ERC1: variants seen among roughly 807,000 people sequenced by gnomAD.
The protein encoded by ERC1 is ELKS/RAB6-interacting/CAST family member 1, also known as RAB6 interacting protein 2.
Under a neutral mutation model 132.0 loss-of-function variants are expected in ERC1, and 56 were observed. The observed-to-expected ratio is 0.42, with a 90% CI of 0.34 to 0.53. The LOEUF (loss-of-function observed/expected upper bound fraction) is 0.53. ERC1 is among the 20% of genes least tolerant of loss of function. The pLI is 0.03. For missense variants in ERC1, 1,202 were observed against 1,349.9 expected, an observed-to-expected ratio of 0.89 and a Z score of 1.72; for synonymous variants, 478 against 476.1, an observed-to-expected ratio of 1.00 and a Z score of -0.05.
intron 9 of ERC1, among the ~76,000 whole-genome samples, chr12:1,181,541 G>A (rs1954464430): frequency 1.3e-5 from 2 of 152,152 alleles, no homozygotes; most frequent in Admixed American, 6.5e-5. Flanking sequence ...ACTCACACCT[G>A]TAGTCTTAGC....
At chr12:1,195,641 A>G (rs1956150049) in intron 12 of ERC1, among the ~76,000 whole-genome samples, 1 of 152,186 alleles carries the variant, frequency 6.6e-6, no homozygotes, top group East Asian at 1.9e-4. Flanking sequence ...GATACCCATA[A>G]TTGCTGCAGC....
rs367984617 is a variant in ERC1 at position 1,303,097 on chromosome 12, G to A, written c.2780+13085G>A. Among the ~76,000 whole-genome samples the A allele has an allele frequency of 2.5e-4, 38 of 152,336 alleles. 2 individuals are homozygous for A. In the South Asian group the frequency reaches 7.9e-3, roughly 32 times the overall value. ...CCTGATCATCTTGAGCCTTCAGGGAGTCATGATCTTTTTGCTGGTGGAGGG... is the reference window on the plus strand; with the variant it reads ...CCTGATCATCTTGAGCCTTCAGGGAATCATGATCTTTTTGCTGGTGGAGGG... On this transcript the variant is annotated intron_variant, in intron 15 of 18. Transcript: ENST00000360905.
intron 15 of ERC1, among the ~76,000 whole-genome samples, chr12:1,336,994 T>C (rs1174746812): frequency 2.0e-5 from 3 of 152,176 alleles, no homozygotes; most frequent in Non-Finnish European, 2.9e-5. Context: ...TTTTGTATTT[T>C]TGGTAGAAAC....
chr12:1,175,460 T>C (rs1162900413), intron 8 of ERC1, among the ~76,000 whole-genome samples: 1 of 120,790 alleles, frequency 8.3e-6, no homozygotes, highest in Admixed American at 8.2e-5. Flanking sequence ...GAGTAGATTC[T>C]GTCTCAAAAA....
intron 8 of ERC1, among the ~76,000 whole-genome samples, chr12:1,147,022 G>A (rs998948422): frequency 6.6e-6 from 1 of 152,028 alleles, no homozygotes; most frequent in Non-Finnish European, 1.5e-5. Context: ...CCAGTCTATC[G>A]TTGTTGGACA....
At chr12:1,487,943 T>C (rs559736755) in intron 18 of ERC1, among the ~76,000 whole-genome samples, 125 of 151,188 alleles carry the variant, frequency 8.3e-4, no homozygotes, top group Middle Eastern at 3.4e-3. Flanking sequence ...TCTAGACCAT[T>C]CTGGCTAACA....
chr12:1,387,194 A>T (rs2089471924), intron 16 of ERC1, among the ~76,000 whole-genome samples: 1 of 151,550 alleles, frequency 6.6e-6, no homozygotes, highest in Non-Finnish European at 1.5e-5. Flanking sequence ...CTCATACCCA[A>T]CTCAGATTAA....
At chr12:1,304,832 C>T (rs561444541) in intron 15 of ERC1, among the ~76,000 whole-genome samples, 2 of 132,464 alleles carry the variant, frequency 1.5e-5, no homozygotes, top group East Asian at 4.4e-4. Flanking sequence ...CTCTGCTGCC[C>T]GGGCTGGAGT....
intron 14 of ERC1, among the ~76,000 whole-genome samples, chr12:1,264,562 G>A (rs2077358798): frequency 6.6e-6 from 1 of 152,094 alleles, no homozygotes; most frequent in Non-Finnish European, 1.5e-5. Flanking sequence ...TACTCGGGAG[G>A]CTGAGGCAGG....
At chr12:999,974 A>G (rs894023257) in intron 1 of ERC1, among the ~76,000 whole-genome samples, 1 of 152,190 alleles carries the variant, frequency 6.6e-6, no homozygotes, top group Non-Finnish European at 1.5e-5. Flanking sequence ...TAGGAGATGC[A>G]TGATCAGGGC....
intron 13 of ERC1, among the ~76,000 whole-genome samples, chr12:1,238,381 A>G (rs1465333418): frequency 6.6e-6 from 1 of 152,116 alleles, no homozygotes; most frequent in Non-Finnish European, 1.5e-5. Context: ...TTACACATAA[A>G]TACTTTTAAG....
chr12:1,092,572 G>A (rs962481130), intron 3 of ERC1, among the ~76,000 whole-genome samples: 5 of 152,114 alleles, frequency 3.3e-5, no homozygotes, highest in African/African-American at 9.7e-5. Context: ...AAAATTACCC[G>A]GTATGGAGAA....
At chr12:1,288,528 C>T (rs1023646390) in intron 14 of ERC1, among the ~76,000 whole-genome samples, 7 of 152,232 alleles carry the variant, frequency 4.6e-5, no homozygotes, top group Middle Eastern at 3.2e-3. Context: ...AAACTAAATG[C>T]ATTTGCTTAC....
At chr12:1,483,937 A>G (rs79607880) in intron 18 of ERC1, among the ~76,000 whole-genome samples, 42,312 of 150,924 alleles carry the variant, frequency 0.28, 6,141 homozygotes, top group Middle Eastern at 0.36. Flanking sequence ...CACGTGATCC[A>G]CCTGCCTCGG....
intron 17 of ERC1, among the ~76,000 whole-genome samples, chr12:1,410,657 T>C (rs970206407): frequency 1.3e-5 from 2 of 151,464 alleles, no homozygotes; most frequent in Admixed American, 1.3e-4. Flanking sequence ...TTTTTTTTTT[T>C]TCTCGTTGTG....
intron 7 of ERC1, among the ~76,000 whole-genome samples, chr12:1,123,036 T>C (rs942643168): frequency 6.6e-6 from 1 of 152,176 alleles, no homozygotes; most frequent in African/African-American, 2.4e-5. Context: ...CAGCTCCAGC[T>C]GGTGAGATGG....
chr12:1,340,984 C>T (rs1459890910), intron 15 of ERC1, among the ~76,000 whole-genome samples: 3 of 150,006 alleles, frequency 2.0e-5, no homozygotes, highest in Non-Finnish European at 3.0e-5. Flanking sequence ...TACCTTCTTC[C>T]AAAGGAATAA....
chr12:1,317,076 G>A (rs905002541), intron 15 of ERC1, among the ~76,000 whole-genome samples: 3 of 151,316 alleles, frequency 2.0e-5, no homozygotes, highest in East Asian at 1.9e-4. Flanking sequence ...CAGGAGAATC[G>A]CTTGAATCCA....
At chr12:1,277,020 T>G (rs1467814332) in intron 14 of ERC1, among the ~76,000 whole-genome samples, 3 of 152,234 alleles carry the variant, frequency 2.0e-5, no homozygotes, top group Admixed American at 6.5e-5. Flanking sequence ...TATGTGAAAG[T>G]TATTTACATT....
Sources: allele counts gnomAD v4.1 joint callset (sites outside exome capture counted in the v4.1 genomes callset), GRCh38; gene constraint gnomAD v4.1.1; transcripts MANE v1.5; gene names NCBI Gene and HGNC (gene_info 2026-07-23, HGNC 2026-07-21).